Variants in OSBPL10 observed in about 807,000 individuals in gnomAD.
The protein encoded by OSBPL10 is oxysterol-binding protein-related protein 10.
OSBPL10 carries 49 observed loss-of-function variants against 81.7 expected under a neutral mutation model. The ratio of observed to expected loss-of-function variants is 0.60; its 90% CI spans 0.48 to 0.76. OSBPL10 has a LOEUF of 0.76. Ranked by LOEUF, OSBPL10 falls within the 30% of genes least tolerant of loss-of-function variation. The pLI, the probability that OSBPL10 is intolerant of heterozygous loss-of-function variation, is 0.00. For missense variants in OSBPL10, 923 were observed against 987.8 expected (o/e 0.93, Z 0.88); for synonymous variants, 419 against 383.6 (o/e 1.09, Z -1.08).
intron 1 of OSBPL10, among the ~76,000 whole-genome samples, chr3:31,954,887 C>T (rs1672310659): frequency 6.6e-6 from 1 of 152,160 alleles, no homozygotes; most frequent in Non-Finnish European, 1.5e-5. Flanking sequence ...TAAAATGGAT[C>T]TATGGATGAG....
intron 2 of OSBPL10, chr3:31,990,910 A>G (rs956207390): frequency 1.3e-6 from 2 of 1,574,358 alleles, no homozygotes; most frequent in Non-Finnish European, 1.7e-6. Context: ...ACATCGCATT[A>G]GACATCAGAG....
chr3:31,698,474 C>T (rs1695795168), intron 7 of OSBPL10, among the ~76,000 whole-genome samples: 1 of 140,910 alleles, frequency 7.1e-6, no homozygotes. Context: ...AAAAATAAAA[C>T]AAAAATACAA....
intron 1 of OSBPL10, among the ~76,000 whole-genome samples, chr3:32,070,123 G>A (rs556977773): frequency 5.3e-5 from 8 of 152,316 alleles, no homozygotes; most frequent in East Asian, 1.9e-4. Flanking sequence ...CACGGACGCC[G>A]AGCTTTAGGT....
chr3:32,019,664 T>C (rs1575086702), intron 2 of OSBPL10, among the ~76,000 whole-genome samples: 1 of 152,304 alleles, frequency 6.6e-6, no homozygotes, highest in East Asian at 1.9e-4. Flanking sequence ...AATATCTAAC[T>C]AAAAATGAAT....
intron 1 of OSBPL10, among the ~76,000 whole-genome samples, chr3:31,925,534 C>T (rs929776222): frequency 6.6e-5 from 10 of 151,650 alleles, no homozygotes; most frequent in East Asian, 1.9e-4. Context: ...ATGCTGGGGC[C>T]GGGCGCAGTG....
rs574053849 is a variant in OSBPL10, at chr3:31,993,332, C to T, written n.298+53159G>A. ...TCAAGCACTTCTCCTGCCTCAGCCT[C>T]CCGGTAGCTGGGATTACAGGCATGC... On this transcript the variant is annotated intron_variant and non_coding_transcript_variant, in intron 2 of 3. Coordinates refer to the OSBPL10 transcript ENST00000479173. Among the ~76,000 whole-genome samples, 455 of 152,102 alleles carry T rather than the reference C, an allele frequency of 3.0e-3. 9 individuals are homozygous for T. The highest frequency in any genetic ancestry group is 1.8e-3 in the Non-Finnish European group (122 of 67,986).
chr3:31,707,871 G>T (rs894240689), intron 6 of OSBPL10, among the ~76,000 whole-genome samples: 1 of 152,168 alleles, frequency 6.6e-6, no homozygotes, highest in Non-Finnish European at 1.5e-5. Context: ...ACAGAGGCTG[G>T]TTTCCCAACA....
chr3:31,694,232 G>T (rs1016044504), intron 7 of OSBPL10, among the ~76,000 whole-genome samples: 1 of 151,940 alleles, frequency 6.6e-6, no homozygotes, highest in African/African-American at 2.4e-5. Flanking sequence ...TTAGCCAGGC[G>T]TGATGGTGAG....
intron 6 of OSBPL10, among the ~76,000 whole-genome samples, chr3:31,728,297 G>T (rs559631213): frequency 6.6e-6 from 1 of 152,134 alleles, no homozygotes; most frequent in Non-Finnish European, 1.5e-5. Flanking sequence ...GTCAACACAG[G>T]GGTTGATAGG....
At chr3:31,969,871 A>G (rs765001788) in intron 1 of OSBPL10, among the ~76,000 whole-genome samples, 5 of 92,878 alleles carry the variant, frequency 5.4e-5, no homozygotes, top group Admixed American at 1.3e-4. Flanking sequence ...ACAAAAAAAG[A>G]AAAAAAAAAA....
rs944860172 is a variant in OSBPL10 at position 31,930,009 on chromosome 3, A to C, written c.282-50179T>G. On this transcript the variant is annotated intron_variant, in intron 1 of 11. Transcript: ENST00000396556. ...GTGAGACCCTGTCACCAACCAAAAAAAAAAAAAAAAAAAAAAACAGGTGTG... is the reference window on the plus strand; with the variant it reads ...GTGAGACCCTGTCACCAACCAAAAACAAAAAAAAAAAAAAAAACAGGTGTG... Among the ~76,000 whole-genome samples, 105 of 149,578 alleles carry C rather than the reference A, an allele frequency of 7.0e-4. 1 individual carries two copies. The South Asian group carries it at 0.013, about 19-fold the overall frequency.
intron 3 of OSBPL10, among the ~76,000 whole-genome samples, chr3:31,840,696 G>T (rs1408910122): frequency 6.6e-6 from 1 of 152,178 alleles, no homozygotes; most frequent in Non-Finnish European, 1.5e-5. Flanking sequence ...TAAAAACACT[G>T]TATTTGGCCA....
intron 1 of OSBPL10, among the ~76,000 whole-genome samples, chr3:31,912,000 T>C (rs1696593477): frequency 6.6e-6 from 1 of 152,090 alleles, no homozygotes; most frequent in Middle Eastern, 3.4e-3. Flanking sequence ...TGCAAAACAA[T>C]GTGAATGTAC....
chr3:32,011,291 A>G (rs1699254299), intron 2 of OSBPL10, among the ~76,000 whole-genome samples: 1 of 152,218 alleles, frequency 6.6e-6, no homozygotes, highest in Admixed American at 6.5e-5. Context: ...AGCAATATTC[A>G]CTGTTCTTCA....
At chr3:31,825,633 T>C (rs1027629740) in intron 4 of OSBPL10, among the ~76,000 whole-genome samples, 1 of 152,204 alleles carries the variant, frequency 6.6e-6, no homozygotes, top group African/African-American at 2.4e-5. Flanking sequence ...GACTTCTTAC[T>C]CAATGCAATA....
chr3:31,990,829 C>T (rs752718948), intron 2 of OSBPL10: 4 of 1,594,528 alleles, frequency 2.5e-6, no homozygotes, highest in African/African-American at 1.3e-5. Flanking sequence ...TTATGCAAAA[C>T]AAAGGAGAAT....
chr3:31,762,701 T>A (rs1215789343), intron 4 of OSBPL10, among the ~76,000 whole-genome samples: 1 of 142,030 alleles, frequency 7.0e-6, no homozygotes. Flanking sequence ...GCTCCTGAGC[T>A]CGAGGGATCT....
At position 31,890,992 on chromosome 3, in the gene OSBPL10, T is replaced by C. The variant is rs1695877442; in HGVS notation, c.282-11162A>G. 3.3e-5 allele frequency among the ~76,000 whole-genome samples: 5 copies of C among 152,180 alleles called. No individual in the cohort carries two copies. The South Asian group carries it at 1.0e-3, about 32-fold the overall frequency. On this transcript the variant is annotated intron_variant, in intron 1 of 11. Transcript: ENST00000396556. ...AAGTGGGTGAGCAACCCCAGTTTAG[T>C]ACCCACCAAGAGCAAGAGAGATGGG...
chr3:32,031,284 T>A (rs1211688800), intron 2 of OSBPL10, among the ~76,000 whole-genome samples: 3 of 152,210 alleles, frequency 2.0e-5, no homozygotes, highest in Non-Finnish European at 2.9e-5. Context: ...TTTATCATAT[T>A]TGAATCTAAA....
Sources: allele counts gnomAD v4.1 joint callset (sites outside exome capture counted in the v4.1 genomes callset), GRCh38; gene constraint gnomAD v4.1.1; transcripts MANE v1.5; gene names NCBI Gene and HGNC (gene_info 2026-07-23, HGNC 2026-07-21).